ASH1L: variants seen among roughly 807,000 people sequenced by gnomAD.
ASH1L encodes histone-lysine N-methyltransferase ASH1L.
In ASH1L, 23 loss-of-function variants were observed where a neutral mutation model predicts 269.0. That is an observed-to-expected ratio of 0.09 (90% CI 0.06 to 0.12). The LOEUF (loss-of-function observed/expected upper bound fraction) is 0.12, where lower values mean the gene tolerates loss of function less well. Ranked by LOEUF, ASH1L falls within the 10% of genes least tolerant of loss-of-function variation. The pLI, the probability that ASH1L is intolerant of heterozygous loss-of-function variation, is 1.00. For synonymous variants in ASH1L, 1,187 were observed against 1,253.5 expected, an observed-to-expected ratio of 0.95 and a Z score of 1.12; for missense variants, 2,912 against 3,567.8, an observed-to-expected ratio of 0.82 and a Z score of 4.68.
intron 1 of ASH1L, among the ~76,000 whole-genome samples, chr1:155,538,050 A>G (rs142007906): frequency 0.01 from 1,539 of 151,936 alleles, 27 homozygotes; most frequent in African/African-American, 0.035. Flanking sequence ...TTGGAGATGG[A>G]GTCTCACTCT....
intron 2 of ASH1L, among the ~76,000 whole-genome samples, chr1:155,498,225 T>C (rs1192992972): frequency 1.3e-5 from 2 of 151,980 alleles, no homozygotes; most frequent in Non-Finnish European, 2.9e-5. Context: ...CAGGGGCTTC[T>C]AGGAGGGGTA....
intron 2 of ASH1L, among the ~76,000 whole-genome samples, chr1:155,507,992 G>C (rs1306302183): frequency 6.8e-6 from 1 of 147,790 alleles, no homozygotes; most frequent in Admixed American, 6.8e-5. Flanking sequence ...TTGCAAGCTT[G>C]TATACTTGAC....
At position 155,349,603 on chromosome 1, in the gene ASH1L, A is replaced by AAGAATGTG; in HGVS notation, c.7367-15_7367-8dup. On this transcript the variant is annotated splice_polypyrimidine_tract_variant and splice_region_variant and intron_variant, in intron 17 of 27. Coordinates refer to ENST00000392403, the MANE Select transcript of ASH1L (RefSeq NM_018489.3). ...AGTGCTTGCCGGGAAGAATCTGCAA[A>AAGAATGTG]AGAATGTGAGGTTTAGTAGAAAGAT... The AAGAATGTG allele has an allele frequency of 6.2e-7, 1 of 1,613,616 alleles. No homozygotes were observed. Among genetic ancestry groups the AAGAATGTG allele is most frequent in the Non-Finnish European group, 8.5e-7 (1 of 1,179,700 alleles).
intron 2 of ASH1L, among the ~76,000 whole-genome samples, chr1:155,511,572 C>T (rs1223609690): frequency 6.6e-6 from 1 of 152,226 alleles, no homozygotes; most frequent in Non-Finnish European, 1.5e-5. Flanking sequence ...GTGGCGCAAT[C>T]TCGGCTCACT....
chr1:155,501,629 C>T (rs1052843333), intron 2 of ASH1L, among the ~76,000 whole-genome samples: 8 of 152,260 alleles, frequency 5.3e-5, no homozygotes, highest in South Asian at 2.1e-4. Flanking sequence ...CCTTGGCATC[C>T]GCAATTTCTT....
chr1:155,519,397 T>C (rs1668715909), intron 2 of ASH1L, among the ~76,000 whole-genome samples: 1 of 151,762 alleles, frequency 6.6e-6, no homozygotes, highest in South Asian at 2.1e-4. Context: ...GATCGCGCCA[T>C]TGCACTCCAG....
At chr1:155,467,351 C>T (rs1185666808) in intron 3 of ASH1L, among the ~76,000 whole-genome samples, 1 of 152,104 alleles carries the variant, frequency 6.6e-6, no homozygotes, top group African/African-American at 2.4e-5. Flanking sequence ...TGGGAGAAAC[C>T]AGGAAACCTG....
At chr1:155,363,005 T>A (rs1456440894) in intron 12 of ASH1L, among the ~76,000 whole-genome samples, 1 of 152,124 alleles carries the variant, frequency 6.6e-6, no homozygotes, top group Non-Finnish European at 1.5e-5. Flanking sequence ...TTTTTTGAAA[T>A]GGAGTTTTGC....
intron 1 of ASH1L, among the ~76,000 whole-genome samples, chr1:155,535,713 G>C (rs1670007268): frequency 6.6e-6 from 1 of 151,740 alleles, no homozygotes; most frequent in African/African-American, 2.4e-5. Context: ...TAGCACATTA[G>C]GCCAGGCATG....
At chr1:155,449,040 T>C (rs1300064191) in intron 4 of ASH1L, among the ~76,000 whole-genome samples, 1 of 151,986 alleles carries the variant, frequency 6.6e-6, no homozygotes, top group Non-Finnish European at 1.5e-5. Flanking sequence ...GTCAAGTGAT[T>C]CTCCTGCCTC....
intron 3 of ASH1L, among the ~76,000 whole-genome samples, chr1:155,476,537 C>T (rs891972689): frequency 1.3e-5 from 2 of 151,710 alleles, no homozygotes; most frequent in South Asian, 2.1e-4. Flanking sequence ...TTCCCTAATA[C>T]ACAAGTCTTT....
chr1:155,514,657 T>C (rs991186501), intron 2 of ASH1L, among the ~76,000 whole-genome samples: 2 of 152,124 alleles, frequency 1.3e-5, no homozygotes, highest in African/African-American at 4.8e-5. Context: ...TGGAGACGAT[T>C]TGCAACATCA....
chr1:155,544,166 A>C (rs1373046672), intron 1 of ASH1L, among the ~76,000 whole-genome samples: 1 of 151,940 alleles, frequency 6.6e-6, no homozygotes, highest in Non-Finnish European at 1.5e-5. Context: ...GGCCTCCCAA[A>C]GTGCTGGGAT....
At chr1:155,558,872 G>T (rs529013318) in intron 1 of ASH1L, among the ~76,000 whole-genome samples, 12 of 146,638 alleles carry the variant, frequency 8.2e-5, no homozygotes, top group African/African-American at 3.1e-4. Flanking sequence ...TTTTTTGAGA[G>T]AGTCACTCTG....
chr1:155,372,146 A>G (rs1352869810), intron 10 of ASH1L, among the ~76,000 whole-genome samples: 1 of 144,426 alleles, frequency 6.9e-6, no homozygotes, highest in Non-Finnish European at 1.5e-5. Flanking sequence ...CGCATACCAC[A>G]ACACCCGGGT....
chr1:155,423,064 T>C (rs1341957280), intron 5 of ASH1L, among the ~76,000 whole-genome samples: 1 of 151,750 alleles, frequency 6.6e-6, no homozygotes, highest in Admixed American at 6.6e-5. Context: ...TCTCCCTGCC[T>C]TAGCCTTCCG....
intron 6 of ASH1L, among the ~76,000 whole-genome samples, chr1:155,409,936 C>T (rs1048432740): frequency 6.6e-6 from 1 of 151,798 alleles, no homozygotes; most frequent in African/African-American, 2.4e-5. Flanking sequence ...GAAGCTGGGG[C>T]GGGCAGATCA....
At chr1:155,337,946 A>T (rs1652450717) in intron 27 of ASH1L, 143 bp downstream of exon 27, 2 of 1,047,746 alleles carry the variant, frequency 1.9e-6, no homozygotes, top group Admixed American at 2.7e-5. Context: ...CACTACCAAG[A>T]TACAACTAAA....
chr1:155,379,709 T>C (rs1017237270), intron 8 of ASH1L, among the ~76,000 whole-genome samples: 14 of 152,332 alleles, frequency 9.2e-5, no homozygotes, highest in African/African-American at 3.4e-4. Flanking sequence ...AATTTCTTAG[T>C]GCTGCTGGCA....
Sources: gnomAD v4.1 joint callset for allele counts (sites outside exome capture counted in the v4.1 genomes callset) on GRCh38, gnomAD v4.1.1 for gene constraint, MANE v1.5 for transcripts, NCBI Gene and HGNC (gene_info 2026-07-23, HGNC 2026-07-21) for gene names.